The following JHY variants were observed in gnomAD, a reference collection of about 807,000 sequenced individuals.
JHY encodes the protein jhy protein homolog.
Under a neutral mutation model 78.0 loss-of-function variants are expected in JHY, and 69 were observed. That is an observed-to-expected ratio of 0.88 (90% CI 0.73 to 1.08). The LOEUF is 1.08. Ranked by LOEUF, JHY falls within the 50% of genes least tolerant of loss-of-function variation. The pLI is 0.00. For synonymous variants in JHY, 368 were observed against 342.6 expected (o/e 1.07, Z -0.82); for missense variants, 944 against 927.8 (o/e 1.02, Z -0.23).
chr11:122,889,403 T>C (rs1409415860), intron 2 of JHY, among the ~76,000 whole-genome samples: 3 of 152,222 alleles, frequency 2.0e-5, no homozygotes, highest in Non-Finnish European at 4.4e-5. Context: ...GTTGAATCTG[T>C]ACTAAACATG....
intron 2 of JHY, among the ~76,000 whole-genome samples, chr11:122,893,760 A>G (rs1262248563): frequency 6.6e-6 from 1 of 152,188 alleles, no homozygotes; most frequent in Non-Finnish European, 1.5e-5. Flanking sequence ...ACACTTCCAT[A>G]TATTGCTAGG....
At chr11:122,943,104 G>C (rs966706040) in intron 5 of JHY, among the ~76,000 whole-genome samples, 3 of 152,110 alleles carry the variant, frequency 2.0e-5, no homozygotes, top group Non-Finnish European at 2.9e-5. Flanking sequence ...TAAACTCCTC[G>C]GCTCAAGCCA....
chr11:122,903,125 T>G (rs1359641793), intron 2 of JHY, among the ~76,000 whole-genome samples: 1 of 152,230 alleles, frequency 6.6e-6, no homozygotes, highest in East Asian at 1.9e-4. Context: ...TTCAGCTCCA[T>G]TACAATATTG....
At chr11:122,924,322 GCT>G (rs1299124366) in intron 3 of JHY, among the ~76,000 whole-genome samples, 10 of 151,954 alleles carry the variant, frequency 6.6e-5, no homozygotes, top group African/African-American at 2.2e-4. Flanking sequence ...AGACCACCCA[GCT>G]CTACTACTTA....
chr11:122,949,849 T>C (rs1864048770), intron 6 of JHY, among the ~76,000 whole-genome samples: 1 of 151,306 alleles, frequency 6.6e-6, no homozygotes, highest in South Asian at 2.1e-4. Flanking sequence ...TCTTTTTTTT[T>C]TTTTTGAGAC....
rs1863732193 is a variant in JHY, at chr11:122,935,359, C to T, written c.1634+284C>T. Among the ~76,000 whole-genome samples the T allele has an allele frequency of 6.6e-6, 1 of 152,000 alleles. No homozygotes were observed. On this transcript the variant is annotated intron_variant, in intron 5 of 8. Transcript: ENST00000227349. The surrounding 1 kb of genome is among the most constrained non-coding windows in gnomAD (Gnocchi z 4.5). ...AAGCAATTCTCCTGGCCCAGCCTCC[C>T]AAGTAGCAGGGATTACAAGCGTTCA...
chr11:122,909,361 T>A (rs1366201851), intron 3 of JHY, among the ~76,000 whole-genome samples: 1 of 152,184 alleles, frequency 6.6e-6, no homozygotes, highest in Non-Finnish European at 1.5e-5. Flanking sequence ...GAGTATGGAC[T>A]CTGGAGCCAG....
chr11:122,904,125 A>G lies in JHY; in HGVS notation c.545A>G (p.Glu182Gly). The change falls in exon 3 of 9, where the codon GAG becomes GGG. Residue 182 changes from glutamate to glycine, a missense_variant. By Grantham distance (98) the Glu-to-Gly change is moderately conservative (BLOSUM62 -2). Coordinates refer to ENST00000227349, the MANE Select transcript of JHY (RefSeq NM_024806.4). ...ELSGGKGEQK[E>G]SPQSAASLLG... ...TCCGGGGGAAAAGGCGAGCAGAAAG[A>G]GAGTCCACAGAGTGCAGCTTCTTTA... The G allele has an allele frequency of 6.2e-7, 1 of 1,614,192 alleles. No individual in the cohort carries two copies. The highest frequency in any genetic ancestry group is 1.1e-5 in the South Asian group (1 of 91,084).
chr11:122,889,828 G>C (rs1252064939), intron 2 of JHY, among the ~76,000 whole-genome samples: 1 of 152,126 alleles, frequency 6.6e-6, no homozygotes, highest in Non-Finnish European at 1.5e-5. Flanking sequence ...GCACGATCTT[G>C]GCTCACTGCA....
At chr11:122,895,596 C>T (rs1862723817) in intron 2 of JHY, among the ~76,000 whole-genome samples, 1 of 152,102 alleles carries the variant, frequency 6.6e-6, no homozygotes, top group South Asian at 2.1e-4. Context: ...CATGTGAAAC[C>T]GTCCCCCACT....
intron 3 of JHY, among the ~76,000 whole-genome samples, chr11:122,923,332 G>A (rs890164036): frequency 6.6e-5 from 10 of 152,160 alleles, no homozygotes; most frequent in African/African-American, 2.2e-4. Context: ...TCCTCAACCC[G>A]TAGAAGATCT....
chr11:122,915,447 C>G (rs1191666193), intron 3 of JHY, among the ~76,000 whole-genome samples: 1 of 152,080 alleles, frequency 6.6e-6, no homozygotes, highest in Non-Finnish European at 1.5e-5. Context: ...TCAGAGGGGG[C>G]CTCACACAAG....
At position 122,946,615 on chromosome 11, in the gene JHY, T is replaced by C. The variant is rs1863967563; in HGVS notation, c.1752T>C (p.Ser584=). ...ALVQLTDVQP[S]EGALSSVTLP... is the part of the protein sequence containing the mutation. ...TGCAGCTGACCGACGTGCAGCCCAG[T>C]GAAGGGGCCTTATCCAGCGTCACGC... Residue 584 remains serine (S), a synonymous_variant, in exon 6 of 9, where the codon AGT becomes AGC. Coordinates refer to ENST00000227349, the MANE Select transcript of JHY (RefSeq NM_024806.4). The C allele has an allele frequency of 6.2e-7, 1 of 1,613,942 alleles. No individual in the cohort carries two copies. The highest frequency in any genetic ancestry group is 1.3e-5 in the African/African-American group (1 of 74,968).
intron 6 of JHY, among the ~76,000 whole-genome samples, chr11:122,954,806 T>C (rs1340264166): frequency 1.8e-5 from 2 of 110,254 alleles, no homozygotes; most frequent in Non-Finnish European, 3.8e-5. Flanking sequence ...ACTAAATAAA[T>C]AGATAAAATT....
intron 6 of JHY, among the ~76,000 whole-genome samples, chr11:122,955,472 A>G (rs1864168800): frequency 6.6e-6 from 1 of 152,124 alleles, no homozygotes; most frequent in African/African-American, 2.4e-5. Context: ...ATCTTAATCT[A>G]TCAGGAGACA....
intron 3 of JHY, among the ~76,000 whole-genome samples, chr11:122,911,905 CAAAAAAAAAAAA>C (rs59941995): frequency 1.1e-3 from 55 of 49,742 alleles, no homozygotes; most frequent in South Asian, 9.1e-3. Flanking sequence ...AACTCTGTCT[CAAAAAAAAAAAA>C]AAAAAAAAAA....
chr11:122,889,631 G>T (rs1320510681), intron 2 of JHY, among the ~76,000 whole-genome samples: 1 of 152,182 alleles, frequency 6.6e-6, no homozygotes, highest in Non-Finnish European at 1.5e-5. Context: ...CTCCCTCACA[G>T]ATAACTGAGC....
intron 2 of JHY, among the ~76,000 whole-genome samples, chr11:122,894,222 G>A (rs759345260): frequency 6.6e-6 from 1 of 151,906 alleles, no homozygotes; most frequent in African/African-American, 2.4e-5. Flanking sequence ...CATGGGAATC[G>A]CTTGAACCCA....
chr11:122,932,790 A>G (rs557690132), intron 4 of JHY, among the ~76,000 whole-genome samples: 22 of 152,176 alleles, frequency 1.4e-4, no homozygotes, highest in Non-Finnish European at 2.9e-4. Flanking sequence ...GTATTTGCAG[A>G]GCCTTCCTGC....
Sources: allele counts gnomAD v4.1 joint callset (sites outside exome capture counted in the v4.1 genomes callset), GRCh38; gene constraint gnomAD v4.1.1; non-coding constraint Gnocchi (gnomAD v3.1); transcripts MANE v1.5; gene names NCBI Gene and HGNC (gene_info 2026-07-23, HGNC 2026-07-21).